Variants in FOXP1 observed in about 807,000 individuals in gnomAD.
FOXP1 encodes the protein forkhead box P1.
A neutral mutation model predicts 98.2 loss-of-function variants in FOXP1; 15 were observed. That is an observed-to-expected ratio of 0.15 (90% confidence interval 0.10 to 0.24). The LOEUF (loss-of-function observed/expected upper bound fraction) is 0.24, where lower values mean the gene tolerates loss of function less well. Among genes scored for constraint, FOXP1 ranks in the 10% least tolerant of loss-of-function variants. The pLI is 1.00. For synonymous variants in FOXP1, 371 were observed against 314.5 expected (o/e 1.18, Z -1.90); for missense variants, 633 against 848.5 (o/e 0.75, Z 3.15).
chr3:70,976,256 G>C (rs188929822), intron 17 of FOXP1, among the ~76,000 whole-genome samples: 5 of 151,582 alleles, frequency 3.3e-5, no homozygotes, highest in African/African-American at 1.2e-4. Flanking sequence ...GTCTCGCTAC[G>C]TTGCCCAGGC....
chr3:71,200,083 C>CAA (rs61281811), intron 5 of FOXP1, among the ~76,000 whole-genome samples: 10,403 of 75,706 alleles, frequency 0.14, 1,207 homozygotes, highest in African/African-American at 0.23. Flanking sequence ...CTCCATCTCA[C>CAA]AAAAAAAAAA....
intron 13 of FOXP1, among the ~76,000 whole-genome samples, chr3:70,998,444 T>G (rs1194380850): frequency 6.6e-6 from 1 of 152,186 alleles, no homozygotes; most frequent in Non-Finnish European, 1.5e-5. Flanking sequence ...GGTCTGTGGG[T>G]TGCTAACCCC....
chr3:71,283,764 A>G (rs540443295), intron 5 of FOXP1, among the ~76,000 whole-genome samples: 1 of 152,258 alleles, frequency 6.6e-6, no homozygotes, highest in South Asian at 2.1e-4. Context: ...GTATCCTGGG[A>G]TGCCTAAAAT....
At chr3:71,378,156 A>C (rs2079867042) in intron 3 of FOXP1, among the ~76,000 whole-genome samples, 2 of 151,616 alleles carry the variant, frequency 1.3e-5, no homozygotes, top group Non-Finnish European at 2.9e-5. Context: ...AACACAAAGG[A>C]AGGCAAAAAG....
Position 71,147,231 on chromosome 3 carries a change from A to G in FOXP1, c.181-34594T>C, listed in dbSNP as rs182325666. ...AATCTCTTCCCTGCATAGCAGCCAG[A>G]GGAATCTTTTGAAAATGCACATCAG... On this transcript the variant is annotated intron_variant, in intron 6 of 20. Transcript: ENST00000649528. Among the ~76,000 whole-genome samples the G allele has an allele frequency of 2.5e-3, 378 of 152,300 alleles. 1 individual carries two copies. Among genetic ancestry groups the G allele is most frequent in the African/African-American group, 8.2e-3 (340 of 41,562 alleles).
At chr3:71,143,272 C>T (rs1033990782) in intron 6 of FOXP1, among the ~76,000 whole-genome samples, 3 of 152,032 alleles carry the variant, frequency 2.0e-5, no homozygotes, top group Non-Finnish European at 2.9e-5. Flanking sequence ...CGGAATTGTC[C>T]TTGGCTAGAA....
At chr3:71,033,470 A>C (rs971022891) in intron 11 of FOXP1, among the ~76,000 whole-genome samples, 9 of 152,234 alleles carry the variant, frequency 5.9e-5, no homozygotes, top group African/African-American at 1.9e-4. Context: ...AAACACAATA[A>C]ATAGAAAGAG....
intron 14 of FOXP1, among the ~76,000 whole-genome samples, chr3:70,986,223 T>A (rs1255988267): frequency 6.6e-6 from 1 of 152,216 alleles, no homozygotes; most frequent in Non-Finnish European, 1.5e-5. Flanking sequence ...AGAATCCCAA[T>A]GGTCCTTTTG....
intron 4 of FOXP1, among the ~76,000 whole-genome samples, chr3:71,320,077 C>T (rs1033404120): frequency 2.6e-5 from 4 of 152,140 alleles, no homozygotes; most frequent in Non-Finnish European, 5.9e-5. Flanking sequence ...AACCTACCCA[C>T]GGGGAAGACA....
intron 3 of FOXP1, among the ~76,000 whole-genome samples, chr3:71,408,237 T>C (rs139936262): frequency 1.3e-5 from 2 of 152,322 alleles, no homozygotes; most frequent in East Asian, 3.9e-4. Flanking sequence ...AGGAAATATT[T>C]CAGAGACCAT....
intron 17 of FOXP1, among the ~76,000 whole-genome samples, chr3:70,973,652 A>G (rs1202132236): frequency 6.6e-6 from 1 of 152,142 alleles, no homozygotes; most frequent in East Asian, 1.9e-4. Context: ...TCAACGCTGG[A>G]CATGAAGACA....
intron 6 of FOXP1, among the ~76,000 whole-genome samples, chr3:71,152,197 A>C (rs1056546091): frequency 2.6e-5 from 4 of 152,108 alleles, no homozygotes; most frequent in African/African-American, 9.7e-5. Flanking sequence ...CACACATAGG[A>C]AACAGTGGGT....
chr3:71,514,073 T>C (rs1577949431), intron 2 of FOXP1, among the ~76,000 whole-genome samples: 1 of 152,366 alleles, frequency 6.6e-6, no homozygotes, highest in East Asian at 1.9e-4. Flanking sequence ...CTCTATATTT[T>C]GACTTTGACA....
At chr3:71,127,338 C>T (rs1023790738) in intron 6 of FOXP1, among the ~76,000 whole-genome samples, 3 of 152,146 alleles carry the variant, frequency 2.0e-5, no homozygotes, top group African/African-American at 7.2e-5. Flanking sequence ...TCTGTTTCTT[C>T]ACAAAGAACA....
At chr3:71,223,681 G>A (rs183824529) in intron 5 of FOXP1, among the ~76,000 whole-genome samples, 479 of 137,386 alleles carry the variant, frequency 3.5e-3, no homozygotes, top group Non-Finnish European at 5.0e-3. Context: ...GTGACAGAGC[G>A]AGACTACGTC....
At chr3:71,561,992 C>T (rs1478772716) in intron 2 of FOXP1, among the ~76,000 whole-genome samples, 3 of 152,170 alleles carry the variant, frequency 2.0e-5, no homozygotes, top group Non-Finnish European at 4.4e-5. Flanking sequence ...CTACAAAGTA[C>T]TTCCATATGT....
At chr3:71,574,326 A>G (rs1377580738) in intron 2 of FOXP1, 1 of 152,244 alleles carries the variant, frequency 6.6e-6, no homozygotes, top group Admixed American at 6.5e-5. Context: ...ATTACCGGGT[A>G]ACTTCAAAAG....
chr3:71,328,628 T>C (rs2076068363), intron 4 of FOXP1, among the ~76,000 whole-genome samples: 1 of 152,182 alleles, frequency 6.6e-6, no homozygotes, highest in South Asian at 2.1e-4. Context: ...AGTGAAGAAA[T>C]GCATAACCCT....
intron 2 of FOXP1, among the ~76,000 whole-genome samples, chr3:71,559,993 T>C (rs927956760): frequency 2.0e-5 from 3 of 152,122 alleles, no homozygotes; most frequent in Admixed American, 6.5e-5. Context: ...GTAGCCATCT[T>C]CCTACAAAGA....
Sources: gnomAD v4.1 joint callset for allele counts (sites outside exome capture counted in the v4.1 genomes callset) on GRCh38, gnomAD v4.1.1 for gene constraint, MANE v1.5 for transcripts, NCBI Gene and HGNC (gene_info 2026-07-23, HGNC 2026-07-21) for gene names.